NPAS3: variants seen among roughly 807,000 people sequenced by gnomAD.
NPAS3 encodes neuronal PAS domain-containing protein 3.
Under a neutral mutation model 73.1 loss-of-function variants are expected in NPAS3, and 14 were observed. The ratio of observed to expected loss-of-function variants is 0.19; its 90% CI spans 0.13 to 0.30. The LOEUF is 0.30. NPAS3 is among the 10% of genes least tolerant of loss of function. NPAS3 has a pLI of 1.00. For missense variants in NPAS3, 1,096 were observed against 1,250.0 expected (o/e 0.88, Z 1.86); for synonymous variants, 620 against 541.5 (o/e 1.14, Z -2.01).
intron 5 of NPAS3, among the ~76,000 whole-genome samples, chr14:33,563,541 G>C (rs80267548): frequency 0.08 from 2,765 of 34,586 alleles, 65 homozygotes; most frequent in African/African-American, 0.2. Context: ...CACACACAGA[G>C]AGAGAGAGAG....
intron 3 of NPAS3, among the ~76,000 whole-genome samples, chr14:33,335,874 G>A (rs993140362): frequency 6.6e-6 from 1 of 152,242 alleles, no homozygotes; most frequent in South Asian, 2.1e-4. Flanking sequence ...TCTGTTTTGG[G>A]TTATTTTGAA....
intron 3 of NPAS3, among the ~76,000 whole-genome samples, chr14:33,249,120 T>A (rs1294752228): frequency 2.0e-5 from 3 of 152,126 alleles, no homozygotes; most frequent in Admixed American, 6.6e-5. Flanking sequence ...AAAATTTAAA[T>A]CTTTATAGAG....
intron 9 of NPAS3, among the ~76,000 whole-genome samples, chr14:33,784,607 G>C (rs1394831594): frequency 3.9e-5 from 6 of 152,052 alleles, no homozygotes; most frequent in Non-Finnish European, 8.8e-5. Context: ...TGTCTCCCCA[G>C]AGAGCAAGCC....
chr14:32,996,494 G>C (rs1267408601), intron 1 of NPAS3, among the ~76,000 whole-genome samples: 4 of 152,152 alleles, frequency 2.6e-5, no homozygotes, highest in African/African-American at 9.7e-5. Context: ...AGGCCTAGGA[G>C]GAAAAACTGG....
intron 4 of NPAS3, among the ~76,000 whole-genome samples, chr14:33,431,548 C>A (rs2139156139): frequency 6.6e-6 from 1 of 152,248 alleles, no homozygotes; most frequent in African/African-American, 2.4e-5. Flanking sequence ...TGACATAGAA[C>A]AAAATCCATC....
At chr14:33,686,036 G>T (rs926655704) in intron 6 of NPAS3, among the ~76,000 whole-genome samples, 5 of 152,140 alleles carry the variant, frequency 3.3e-5, no homozygotes, top group Admixed American at 3.3e-4. Flanking sequence ...AAGGAAGGAG[G>T]AGATAGTGCT....
chr14:33,125,250 A>C (rs76873596), intron 2 of NPAS3, among the ~76,000 whole-genome samples: 1,815 of 152,208 alleles, frequency 0.012, 29 homozygotes, highest in African/African-American at 0.042. Flanking sequence ...TTTTATAAGC[A>C]CTAGAAGGAA....
At chr14:33,771,810 C>CAAA (rs564918528) in intron 7 of NPAS3, among the ~76,000 whole-genome samples, 8 of 139,892 alleles carry the variant, frequency 5.7e-5, no homozygotes, top group Admixed American at 2.1e-4. Flanking sequence ...GACTCCATCT[C>CAAA]AAAAAAAAAA....
chr14:33,136,670 C>T (rs2043851361), intron 2 of NPAS3, among the ~76,000 whole-genome samples: 1 of 152,192 alleles, frequency 6.6e-6, no homozygotes, highest in Admixed American at 6.5e-5. Context: ...TGCCTTGCAG[C>T]TTACTTTCTC....
chr14:33,483,289 G>C (rs537107592), intron 4 of NPAS3, among the ~76,000 whole-genome samples: 1 of 152,286 alleles, frequency 6.6e-6, no homozygotes, highest in African/African-American at 2.4e-5. Flanking sequence ...AGTTTATCTT[G>C]CTAGGACAGA....
At chr14:33,432,251 A>C (rs1385109407) in intron 4 of NPAS3, among the ~76,000 whole-genome samples, 1 of 152,132 alleles carries the variant, frequency 6.6e-6, no homozygotes, top group African/African-American at 2.4e-5. Flanking sequence ...TTTGGGAAAA[A>C]ATTGGTTTCC....
At chr14:33,180,841 G>A (rs988322765) in intron 2 of NPAS3, among the ~76,000 whole-genome samples, 3 of 150,668 alleles carry the variant, frequency 2.0e-5, no homozygotes, top group Non-Finnish European at 4.4e-5. Context: ...GGTAGGGGTG[G>A]TGAAATGTTT....
intron 6 of NPAS3, among the ~76,000 whole-genome samples, chr14:33,731,141 G>T (rs2061387400): frequency 6.6e-6 from 1 of 151,990 alleles, no homozygotes; most frequent in Non-Finnish European, 1.5e-5. Flanking sequence ...AAAAAGAAAG[G>T]TTCTTGGCTG....
chr14:33,356,741 G>A (rs2045354320), intron 3 of NPAS3, among the ~76,000 whole-genome samples: 1 of 152,138 alleles, frequency 6.6e-6, no homozygotes, highest in Non-Finnish European at 1.5e-5. Flanking sequence ...AATTGCATAT[G>A]CAAAATTTTG....
chr14:33,147,178 A>C (rs980669904), intron 2 of NPAS3, among the ~76,000 whole-genome samples: 2 of 152,052 alleles, frequency 1.3e-5, no homozygotes, highest in African/African-American at 4.8e-5. Context: ...TTTCTTCCAC[A>C]TCCTATAAAG....
intron 3 of NPAS3, among the ~76,000 whole-genome samples, chr14:33,290,423 A>G (rs1245377654): frequency 6.6e-6 from 1 of 152,214 alleles, no homozygotes; most frequent in Non-Finnish European, 1.5e-5. Context: ...AGAGGGGCTA[A>G]GTGTGTTTTT....
chr14:33,630,665 G>T (rs2058352669), intron 5 of NPAS3, among the ~76,000 whole-genome samples: 1 of 152,154 alleles, frequency 6.6e-6, no homozygotes, highest in Admixed American at 6.5e-5. Context: ...TTCTTGCCAT[G>T]AATTCCAAAC....
chr14:33,069,392 T>C (rs1205238095), intron 2 of NPAS3, among the ~76,000 whole-genome samples: 1 of 152,230 alleles, frequency 6.6e-6, no homozygotes, highest in African/African-American at 2.4e-5. Context: ...TATTTATTCA[T>C]TTATTCAGTC....
At chr14:33,058,697 G>T (rs2040980193) in intron 2 of NPAS3, among the ~76,000 whole-genome samples, 1 of 152,160 alleles carries the variant, frequency 6.6e-6, no homozygotes. Flanking sequence ...GTCTTATTTT[G>T]TGAGGCTCCC....
Sources: gnomAD v4.1 joint callset for allele counts (sites outside exome capture counted in the v4.1 genomes callset) on GRCh38, gnomAD v4.1.1 for gene constraint, MANE v1.5 for transcripts, NCBI Gene and HGNC (gene_info 2026-07-23, HGNC 2026-07-21) for gene names.